Variants in QTGAL observed in about 807,000 individuals in gnomAD.
The protein encoded by QTGAL is queuosine-tRNA galactosyltransferase.
At chr17:82,958,200 G>T in the QTGAL span, among the ~76,000 whole-genome samples, 2 of 152,228 alleles carry the variant, frequency 1.3e-5, no homozygotes, top group Non-Finnish European at 2.9e-5. Flanking sequence ...GGAGCTGGAC[G>T]GGCCAGAAGC....
At chr17:83,000,848 G>C in the QTGAL span, among the ~76,000 whole-genome samples, 3 of 152,224 alleles carry the variant, frequency 2.0e-5, no homozygotes, top group Non-Finnish European at 4.4e-5. Flanking sequence ...GCTGAGTGAA[G>C]GTGGCCAGAC....
At chr17:83,006,695 C>A in the QTGAL span, 9 of 985,384 alleles carry the variant, frequency 9.1e-6, no homozygotes, top group South Asian at 4.2e-4. This position sits in a 1 kb window ranked among gnomAD's most constrained non-coding sequence, Gnocchi z 5.8. Context: ...CAGGAGGCGG[C>A]CTTCTGTGCC....
chr17:83,005,155 C>T, the QTGAL span: 22 of 1,610,262 alleles, frequency 1.4e-5, no homozygotes, highest in Middle Eastern at 1.7e-4. The surrounding 1 kb of genome is among the most constrained non-coding windows in gnomAD (Gnocchi z 5.6). Flanking sequence ...GTTGATCCAA[C>T]GTGTGTATCG....
the QTGAL span, among the ~76,000 whole-genome samples, chr17:83,038,633 C>A: frequency 6.6e-6 from 1 of 152,090 alleles, no homozygotes; most frequent in South Asian, 2.1e-4. Context: ...CCAAGGCAGG[C>A]GGATCAGGAG....
the QTGAL span, among the ~76,000 whole-genome samples, chr17:83,044,495 G>C: frequency 1.3e-5 from 2 of 152,316 alleles, no homozygotes; most frequent in East Asian, 3.9e-4. Context: ...CTTAGCGTAA[G>C]AAATGGCATT....
chr17:83,047,450 C>T, the QTGAL span, among the ~76,000 whole-genome samples: 7 of 132,116 alleles, frequency 5.3e-5, no homozygotes, highest in Admixed American at 3.0e-4. Flanking sequence ...ATAATCAATC[C>T]TTATCAAAGA....
the QTGAL span, among the ~76,000 whole-genome samples, chr17:83,010,747 G>A: frequency 2.6e-5 from 4 of 152,344 alleles, no homozygotes; most frequent in Admixed American, 2.0e-4. Flanking sequence ...CTGCCGTGCC[G>A]TCTGGATGAT....
the QTGAL span, among the ~76,000 whole-genome samples, chr17:82,974,660 AC>A: frequency 5.2e-4 from 79 of 151,612 alleles, 2 homozygotes; most frequent in East Asian, 0.014. Context: ...CAGCACATTC[AC>A]CCCCCACAGC....
chr17:82,992,324 C>T, the QTGAL span, among the ~76,000 whole-genome samples: 3 of 152,072 alleles, frequency 2.0e-5, no homozygotes, highest in African/African-American at 4.8e-5. Flanking sequence ...AAACAAATAA[C>T]ACAATGGAGC....
chr17:82,970,538 A>T, the QTGAL span, among the ~76,000 whole-genome samples: 4 of 147,906 alleles, frequency 2.7e-5, 1 homozygote, highest in South Asian at 8.5e-4. Context: ...CGTGGCCGCG[A>T]CCTCCGCACC....
chr17:82,957,763 G>A, the QTGAL span, among the ~76,000 whole-genome samples: 31 of 152,318 alleles, frequency 2.0e-4, no homozygotes, highest in South Asian at 4.1e-4. Flanking sequence ...AGAAGGTTCT[G>A]GAAGGCAGAA....
chr17:82,956,913 C>T, the QTGAL span: 23 of 1,074,148 alleles, frequency 2.1e-5, no homozygotes, highest in South Asian at 8.1e-5. The surrounding 1 kb of genome is among the most constrained non-coding windows in gnomAD (Gnocchi z 5.7). Flanking sequence ...TCACAGACTG[C>T]GGCAGGTGTT....
the QTGAL span, among the ~76,000 whole-genome samples, chr17:83,046,150 G>A: frequency 6.6e-6 from 1 of 151,336 alleles, no homozygotes; most frequent in Admixed American, 6.6e-5. Flanking sequence ...TTTATTTTGA[G>A]ATGGAGTCTC....
chr17:83,048,876 T>C, the QTGAL span: 3 of 1,017,286 alleles, frequency 2.9e-6, no homozygotes, highest in Non-Finnish European at 4.6e-6. Flanking sequence ...CACCCGCACA[T>C]ATGCCGTGAC....
At chr17:82,942,644 G>A in the QTGAL span, 3 of 711,850 alleles carry the variant, frequency 4.2e-6, no homozygotes, top group Admixed American at 2.7e-5. Context: ...GTGACTTGGG[G>A]TGGACGCCTC....
At chr17:82,994,749 A>G in the QTGAL span, among the ~76,000 whole-genome samples, 1 of 152,202 alleles carries the variant, frequency 6.6e-6, no homozygotes, top group Non-Finnish European at 1.5e-5. Context: ...TAAAAAAATT[A>G]AAACTATAGG....
chr17:82,979,659 CTATAG>C, the QTGAL span, among the ~76,000 whole-genome samples: 5 of 152,160 alleles, frequency 3.3e-5, no homozygotes, highest in East Asian at 7.7e-4. Context: ...TTGGAAAACT[CTATAG>C]TAAAGATGTC....
the QTGAL span, among the ~76,000 whole-genome samples, chr17:82,996,923 GA>G: frequency 6.6e-6 from 1 of 152,148 alleles, no homozygotes; most frequent in African/African-American, 2.4e-5. Flanking sequence ...TTACATTTAA[GA>G]CTTCAAACTA....
the QTGAL span, among the ~76,000 whole-genome samples, chr17:82,964,510 C>G: frequency 6.6e-6 from 1 of 152,116 alleles, no homozygotes; most frequent in Non-Finnish European, 1.5e-5. Flanking sequence ...AGGTGCGTCC[C>G]ACGGGGGATG....
Sources: allele counts gnomAD v4.1 joint callset (sites outside exome capture counted in the v4.1 genomes callset), GRCh38; gene constraint gnomAD v4.1.1; non-coding constraint Gnocchi (gnomAD v3.1); transcripts MANE v1.5; gene names NCBI Gene and HGNC (gene_info 2026-07-23, HGNC 2026-07-21).